Variants in PCDHA1 observed in about 807,000 individuals in gnomAD.
The protein encoded by PCDHA1 is protocadherin alpha-1.
A neutral mutation model predicts 61.3 loss-of-function variants in PCDHA1; 42 were observed. The ratio of observed to expected loss-of-function variants is 0.69; its 90% confidence interval spans 0.54 to 0.89. PCDHA1 has a LOEUF of 0.89. Among genes scored for constraint, PCDHA1 ranks in the 40% least tolerant of loss-of-function variants. The pLI, the probability that PCDHA1 is intolerant of heterozygous loss-of-function variation, is 0.00. For synonymous variants in PCDHA1, 610 were observed against 553.8 expected, an observed-to-expected ratio of 1.10 and a Z score of -1.43; for missense variants, 1,256 against 1,235.3, an observed-to-expected ratio of 1.02 and a Z score of -0.25.
chr5:140,808,705 C>G (rs1562218779), intron 1 of PCDHA1: 1 of 1,612,176 alleles, frequency 6.2e-7, no homozygotes, highest in Admixed American at 1.7e-5. Flanking sequence ...CGCTGTCGAG[C>G]TACGTTTCGG....
intron 1 of PCDHA1, chr5:140,875,574 C>A (rs368911944): frequency 2.2e-5 from 35 of 1,613,978 alleles, no homozygotes; most frequent in East Asian, 6.7e-5. Context: ...TCCACTACTC[C>A]GTCTACGAGG....
Position 140,829,854 on chromosome 5 carries a change from G to A in PCDHA1, c.2394+41170G>A, listed in dbSNP as rs2150176242. On this transcript the variant is annotated intron_variant, in intron 1 of 3. Transcript: ENST00000504120. ...CTGGTGCCGCGGTCACTGGGTGCAG[G>A]CCAAGTGGTGGCGAAGGTGCGCGCA... The A allele has an allele frequency of 5.0e-6, 8 of 1,613,954 alleles. No homozygotes were observed. Among genetic ancestry groups the A allele is most frequent in the Admixed American group, 3.3e-5 (2 of 60,012 alleles).
intron 1 of PCDHA1, chr5:140,801,973 C>T: frequency 1.1e-5 from 18 of 1,614,146 alleles, no homozygotes; most frequent in Non-Finnish European, 1.5e-5. Context: ...CCAAATGGTA[C>T]CCTAGTGGTG....
At chr5:140,803,402 C>A in intron 1 of PCDHA1, 1 of 1,614,232 alleles carries the variant, frequency 6.2e-7, no homozygotes, top group Non-Finnish European at 8.5e-7. Context: ...GTGGGCCGGG[C>A]AAGCCCACGC....
chr5:140,954,570 T>G (rs2095058412), intron 1 of PCDHA1, among the ~76,000 whole-genome samples: 1 of 152,252 alleles, frequency 6.6e-6, no homozygotes. Context: ...GACTGTCTTC[T>G]TTTCAGAAGT....
chr5:140,960,541 C>T (rs1200507322), intron 1 of PCDHA1, among the ~76,000 whole-genome samples: 1 of 151,924 alleles, frequency 6.6e-6, no homozygotes, highest in Non-Finnish European at 1.5e-5. Context: ...GAAACTGTGG[C>T]CTTCATATAG....
intron 1 of PCDHA1, among the ~76,000 whole-genome samples, chr5:140,965,863 A>T (rs1275095146): frequency 6.6e-6 from 1 of 152,218 alleles, no homozygotes; most frequent in Non-Finnish European, 1.5e-5. Flanking sequence ...ACTGAAAATA[A>T]GGGCCACTTG....
At chr5:140,808,070 A>G (rs1764091333) in intron 1 of PCDHA1, 2 of 1,614,124 alleles carry the variant, frequency 1.2e-6, no homozygotes, top group Non-Finnish European at 8.5e-7. Context: ...CAAGTTTCAC[A>G]TAGATCCAAT....
At position 140,855,909 on chromosome 5, in the gene PCDHA1, A is replaced by C. The variant is rs1554148009; in HGVS notation, c.2394+67225A>C. The stretch of plus-strand genomic sequence containing the variant: ...GAACAAAGGCATCAGCCAGTTTCTC[A>C]AGGACTAGGAAGTAGCGTCATTCTG... On this transcript the variant is annotated intron_variant, in intron 1 of 3. Coordinates refer to ENST00000504120, the MANE Select transcript of PCDHA1 (RefSeq NM_018900.4). The C allele has an allele frequency of 6.1e-6, 7 of 1,151,572 alleles. 1 individual carries two copies. The highest frequency in any genetic ancestry group is 4.6e-5 in the African/African-American group (3 of 65,014). 71.3% of individuals were successfully genotyped at this position (1,151,572 alleles called of 1,614,324 possible). A position where few individuals can be genotyped will look rare whatever the true frequency, so the allele number is the denominator to read the frequency against.
At chr5:140,856,128 G>C in intron 1 of PCDHA1, 1 of 1,598,140 alleles carries the variant, frequency 6.3e-7, no homozygotes, top group Non-Finnish European at 8.6e-7. Context: ...GAGGTGGGGA[G>C]CGGCCAGCTC....
chr5:140,848,546 G>A, intron 1 of PCDHA1: 1 of 1,595,440 alleles, frequency 6.3e-7, no homozygotes, highest in Non-Finnish European at 8.6e-7. Context: ...TACTGCTCTC[G>A]CTTCTGATCC....
rs565441433 is a variant in PCDHA1, at chr5:141,011,340, A to G, written c.*1403A>G. 6.5e-6 allele frequency: 1 copy of G among 153,828 alleles called. No homozygotes were observed. Among genetic ancestry groups the G allele is most frequent in the African/African-American group, 2.4e-5 (1 of 41,570 alleles). 9.5% of individuals were successfully genotyped at this position (153,828 alleles called of 1,614,324 possible). On this transcript the variant is annotated 3_prime_UTR_variant, in exon 4 of 4. Transcript: ENST00000504120. Reference sequence around the variant, plus strand: ...ACTAACACCTATGATGTTACCTGAAATCAATCTCCCATATGTATGCTGTAT... The same window carrying G: ...ACTAACACCTATGATGTTACCTGAAGTCAATCTCCCATATGTATGCTGTAT...
chr5:140,824,704 C>G (rs1241978054), intron 1 of PCDHA1: 1 of 144,904 alleles, frequency 6.9e-6, no homozygotes, highest in Non-Finnish European at 1.5e-5. Context: ...AAGCCATGCT[C>G]CCGTCTCAGC....
intron 3 of PCDHA1, among the ~76,000 whole-genome samples, chr5:140,994,538 A>G (rs1554254218): frequency 1.8e-5 from 2 of 111,930 alleles, no homozygotes; most frequent in African/African-American, 9.1e-5. Context: ...CCCCATCTCT[A>G]CAAAAAAAAT....
chr5:140,956,904 G>A lies in PCDHA1; in HGVS notation c.2395-22045G>A, dbSNP rs182022057. ...TATCAATGAATGAATATTCTTAAAT[G>A]TATAAACTTTAATCTTGCTGGATAT... On this transcript the variant is annotated intron_variant, in intron 1 of 3. Transcript: ENST00000504120. Among the ~76,000 whole-genome samples, 178 of 152,232 alleles carry A rather than the reference G, an allele frequency of 1.2e-3. 1 individual carries two copies. Among genetic ancestry groups the A allele is most frequent in the African/African-American group, 3.9e-3 (163 of 41,538 alleles).
chr5:140,849,825 G>A, intron 1 of PCDHA1: 1 of 1,598,526 alleles, frequency 6.3e-7, no homozygotes, highest in Non-Finnish European at 8.6e-7. Context: ...GGTGTCTGTG[G>A]AGGTGGCCGA....
intron 1 of PCDHA1, chr5:140,848,888 A>T: frequency 6.4e-7 from 1 of 1,564,652 alleles, no homozygotes; most frequent in Non-Finnish European, 8.7e-7. Flanking sequence ...ACAACCCTCC[A>T]GTGTTCCCAG....
At chr5:140,945,664 C>T (rs1342424562) in intron 1 of PCDHA1, among the ~76,000 whole-genome samples, 1 of 152,048 alleles carries the variant, frequency 6.6e-6, no homozygotes, top group Admixed American at 6.5e-5. Context: ...ATACAGCTCC[C>T]AGAAATAAAT....
chr5:140,957,113 G>A (rs1554222808), intron 1 of PCDHA1, among the ~76,000 whole-genome samples: 2 of 152,086 alleles, frequency 1.3e-5, no homozygotes, highest in Admixed American at 6.6e-5. Flanking sequence ...ACATGATTCT[G>A]TGTGTTTCTT....
Sources: allele counts gnomAD v4.1 joint callset (sites outside exome capture counted in the v4.1 genomes callset), GRCh38; gene constraint gnomAD v4.1.1; transcripts MANE v1.5; gene names NCBI Gene and HGNC (gene_info 2026-07-23, HGNC 2026-07-21).